BLVRA: variants seen among roughly 807,000 people sequenced by gnomAD.
BLVRA encodes the protein BVR A.
In BLVRA, 22 loss-of-function variants were observed where a neutral mutation model predicts 32.8. That is an observed-to-expected ratio of 0.67 (90% confidence interval 0.48 to 0.96). The LOEUF (loss-of-function observed/expected upper bound fraction) is 0.96, where lower values mean the gene tolerates loss of function less well. Among genes scored for constraint, BLVRA ranks in the 40% least tolerant of loss-of-function variants. The pLI is 0.00. For synonymous variants in BLVRA, 119 were observed against 141.3 expected, an observed-to-expected ratio of 0.84 and a Z score of 1.12; for missense variants, 323 against 358.1, an observed-to-expected ratio of 0.90 and a Z score of 0.79.
At chr7:43,771,100 G>A (rs764348882) in intron 1 of BLVRA, 38 bp from the exon 2 acceptor site, 5 of 1,601,658 alleles carry the variant, frequency 3.1e-6, no homozygotes, top group Non-Finnish European at 4.3e-6. Flanking sequence ...TTGGGCAGGT[G>A]CCACCAGGGA....
At chr7:43,777,404 C>T (rs1444550149) in intron 2 of BLVRA, among the ~76,000 whole-genome samples, 65 of 150,304 alleles carry the variant, frequency 4.3e-4, no homozygotes, top group African/African-American at 1.5e-3. Flanking sequence ...ACTTATGAAG[C>T]TTAGTTTGGC....
intron 3 of BLVRA, 137 bp downstream of exon 3, chr7:43,788,162 C>T: frequency 6.7e-7 from 1 of 1,490,964 alleles, no homozygotes; most frequent in South Asian, 1.1e-5. Flanking sequence ...GGGTCAGCCC[C>T]ATAAGATCTC....
chr7:43,767,418 G>A (rs918272616), intron 1 of BLVRA: 21 of 1,590,264 alleles, frequency 1.3e-5, no homozygotes, highest in Middle Eastern at 1.7e-4. Flanking sequence ...TTCCTATCGG[G>A]TTATTTATAT....
chr7:43,766,821 A>G (rs1007826415), intron 1 of BLVRA, among the ~76,000 whole-genome samples: 7 of 152,338 alleles, frequency 4.6e-5, no homozygotes, highest in African/African-American at 1.7e-4. Context: ...GGGGTACCCC[A>G]GCTGAATGTG....
intron 2 of BLVRA, among the ~76,000 whole-genome samples, chr7:43,784,438 A>T (rs2095774279): frequency 6.6e-6 from 1 of 152,222 alleles, no homozygotes; most frequent in Admixed American, 6.5e-5. Flanking sequence ...TGGTCTAGCC[A>T]TCTCTGATTT....
intron 1 of BLVRA, among the ~76,000 whole-genome samples, chr7:43,759,065 C>T (rs1419306239): frequency 6.6e-6 from 1 of 152,240 alleles, no homozygotes; most frequent in Admixed American, 6.5e-5. Context: ...GCAGGCTCGG[C>T]GTCCGCGTGC....
intron 6 of BLVRA, among the ~76,000 whole-genome samples, chr7:43,802,093 G>A (rs952825134): frequency 3.3e-5 from 5 of 152,066 alleles, no homozygotes. Context: ...AGTGAGCCGA[G>A]ATCGCACCAC....
intron 1 of BLVRA, chr7:43,767,406 T>C: frequency 1.9e-6 from 3 of 1,599,318 alleles, no homozygotes; most frequent in Non-Finnish European, 2.6e-6. Flanking sequence ...TAATGATCAC[T>C]GTTCCTATCG....
At position 43,800,466 on chromosome 7, in the gene BLVRA, A is replaced by G. The variant is rs1223675328; in HGVS notation, c.354A>G (p.Gly118=). ...TTTATTCCATTTTTGTCGTTACAGG[A>G]AAAGTCTTGCACGAGGAGCATGTTG... The part of the protein sequence containing the change: ...QELWELAEQK[G]KVLHEEHVEL... The change falls in exon 6 of 8, where the codon GGA becomes GGG. Residue 118 remains glycine, a splice_region_variant and synonymous_variant. Coordinates refer to ENST00000265523, the MANE Select transcript of BLVRA (RefSeq NM_000712.4). The G allele has an allele frequency of 1.6e-5, 26 of 1,613,758 alleles. No homozygotes were observed. Among genetic ancestry groups the G allele is most frequent in the Non-Finnish European group, 2.2e-5 (26 of 1,179,794 alleles).
At chr7:43,796,121 CAA>C (rs371922009) in intron 5 of BLVRA, among the ~76,000 whole-genome samples, 7 of 66,698 alleles carry the variant, frequency 1.0e-4, no homozygotes, top group Admixed American at 1.5e-4. Context: ...CTCTGTCTCA[CAA>C]AAAAAAAAAA....
At chr7:43,798,197 C>CA (rs56855757) in intron 5 of BLVRA, among the ~76,000 whole-genome samples, 9,352 of 45,114 alleles carry the variant, frequency 0.21, 2,343 homozygotes, top group African/African-American at 0.39. Context: ...CCCCATCTCA[C>CA]AAAAAAAAAA....
At chr7:43,763,427 T>C (rs2095744532) in intron 1 of BLVRA, among the ~76,000 whole-genome samples, 1 of 152,178 alleles carries the variant, frequency 6.6e-6, no homozygotes, top group African/African-American at 2.4e-5. Flanking sequence ...GCCTGCCTGC[T>C]GAGGAGGGAC....
At chr7:43,767,227 A>G in intron 1 of BLVRA, 2 of 687,520 alleles carry the variant, frequency 2.9e-6, no homozygotes, top group South Asian at 3.3e-5. Flanking sequence ...TTCCTCTAAG[A>G]TCTCATTAGA....
chr7:43,782,256 G>A lies in BLVRA; in HGVS notation c.13-5648G>A, dbSNP rs192007676. Among the ~76,000 whole-genome samples, 66 of 152,284 alleles carry A rather than the reference G, an allele frequency of 4.3e-4. 1 individual carries two copies. In the East Asian group the frequency reaches 8.5e-3, roughly 20 times the overall value. On this transcript the variant is annotated intron_variant, in intron 2 of 7. Transcript: ENST00000265523. ...GAGGGTCAGTGAAAGTGTAGAGAAA[G>A]GAAATCATATGACAGAAATTTTCAA...
rs1161945728 is a variant in BLVRA, at chr7:43,800,494, C to T, written c.382C>T (p.Leu128Phe). 1 of 1,614,118 alleles carries T rather than the reference C, an allele frequency of 6.2e-7. No homozygotes were observed. ...GKVLHEEHVELLMEEFAFLKK... is the reference protein window; with the variant it reads ...GKVLHEEHVEFLMEEFAFLKK... ...AGTCTTGCACGAGGAGCATGTTGAA[C>T]TCTTGATGGAGGAATTCGCTTTCCT... Residue 128 changes from leucine to phenylalanine, a missense_variant, in exon 6 of 8, where the codon CTC (leucine) becomes TTC (phenylalanine). Physicochemically the swap from Leu to Phe is conservative, Grantham distance 22. Transcript: ENST00000265523.
At chr7:43,785,887 A>G (rs1446542016) in intron 2 of BLVRA, among the ~76,000 whole-genome samples, 4 of 152,228 alleles carry the variant, frequency 2.6e-5, no homozygotes, top group Non-Finnish European at 5.9e-5. Context: ...AACTTCTGAA[A>G]AAGAGTTATA....
chr7:43,792,579 C>G (rs1338358743), intron 4 of BLVRA, 136 bp from the exon 5 acceptor site: 2 of 821,474 alleles, frequency 2.4e-6, no homozygotes, highest in Non-Finnish European at 4.1e-6. Context: ...GTGGCACTGA[C>G]TCCTACCCCC....
At position 43,807,072 on chromosome 7, in the gene BLVRA, A is replaced by G; in HGVS notation, c.728A>G (p.Asn243Ser). 6.2e-7 allele frequency: 1 copy of G among 1,614,222 alleles called. No individual in the cohort carries two copies. The highest frequency in any genetic ancestry group is 8.5e-7 in the Non-Finnish European group (1 of 1,180,026). The change falls in exon 8 of 8, where the codon AAT (asparagine) becomes AGT (serine). Residue 243 changes from asparagine (N) to serine (S), a missense_variant. Transcript: ENST00000265523. ...TCTGGGTCCTTGGAGAATGTGCCAAATGTAGGAGTGAATAAGAACATATTT... is the reference window on the plus strand; with the variant it reads ...TCTGGGTCCTTGGAGAATGTGCCAAGTGTAGGAGTGAATAAGAACATATTT... ...FKSGSLENVP[N>S]VGVNKNIFLK...
chr7:43,768,876 C>T (rs1585712550), intron 1 of BLVRA, among the ~76,000 whole-genome samples: 1 of 151,960 alleles, frequency 6.6e-6, no homozygotes, highest in African/African-American at 2.4e-5. Context: ...GCTGGCGCTC[C>T]CACCCCACCC....
Sources: gnomAD v4.1 joint callset for allele counts (sites outside exome capture counted in the v4.1 genomes callset) on GRCh38, gnomAD v4.1.1 for gene constraint, MANE v1.5 for transcripts, NCBI Gene and HGNC (gene_info 2026-07-23, HGNC 2026-07-21) for gene names.